TOX2: variants seen among roughly 807,000 people sequenced by gnomAD.
TOX2 encodes TOX high mobility group box family member 2, also known as granulosa cell HMG box 1.
In TOX2, 15 loss-of-function variants were observed where a neutral mutation model predicts 47.4. The ratio of observed to expected loss-of-function variants is 0.32; its 90% CI spans 0.21 to 0.49. The LOEUF is 0.49. Ranked by LOEUF, TOX2 falls within the 20% of genes least tolerant of loss-of-function variation. TOX2 has a pLI of 0.99. For synonymous variants in TOX2, 290 were observed against 296.6 expected, an observed-to-expected ratio of 0.98 and a Z score of 0.23; for missense variants, 622 against 673.1, an observed-to-expected ratio of 0.92 and a Z score of 0.84.
chr20:43,959,893 C>A (rs562919692), intron 1 of TOX2, among the ~76,000 whole-genome samples: 63 of 152,226 alleles, frequency 4.1e-4, no homozygotes, highest in Admixed American at 9.2e-4. Flanking sequence ...CTGGCCAGCT[C>A]CATGTTATGG....
chr20:44,010,753 T>C (rs1178740848), intron 3 of TOX2, among the ~76,000 whole-genome samples: 1 of 152,130 alleles, frequency 6.6e-6, no homozygotes, highest in Non-Finnish European at 1.5e-5. Context: ...CGAGGGATAA[T>C]GATAATAGTA....
chr20:43,919,836 C>T (rs2069094857), intron 1 of TOX2, among the ~76,000 whole-genome samples: 1 of 152,242 alleles, frequency 6.6e-6, no homozygotes, highest in Non-Finnish European at 1.5e-5. Context: ...ATCCATGCCA[C>T]TGCAAAGGAC....
chr20:44,000,207 G>T lies in TOX2; in HGVS notation c.166-6340G>T, dbSNP rs561564913. ...AGAGCTCTAGAGGGTTGTGAGCAGA[G>T]CTTATATTTTAGCAGGATAATTCTG... On this transcript the variant is annotated intron_variant, in intron 2 of 8. Transcript: ENST00000341197. 1.2e-3 allele frequency among the ~76,000 whole-genome samples: 178 copies of T among 152,344 alleles called. 1 individual carries two copies. The Middle Eastern group carries it at 0.017, about 15-fold the overall frequency.
At chr20:44,043,535 C>T (rs900142568) in intron 3 of TOX2, among the ~76,000 whole-genome samples, 4 of 152,190 alleles carry the variant, frequency 2.6e-5, no homozygotes, top group African/African-American at 4.8e-5. Flanking sequence ...ACTATCTTCA[C>T]TGGTTATTGT....
chr20:44,062,782 T>G (rs1489309671), intron 5 of TOX2, among the ~76,000 whole-genome samples: 1 of 152,068 alleles, frequency 6.6e-6, no homozygotes, highest in African/African-American at 2.4e-5. Flanking sequence ...GGTACTGGTA[T>G]AAAAATAGGC....
At chr20:43,945,912 T>C (rs1470752963) in intron 1 of TOX2, 1 of 1,612,738 alleles carries the variant, frequency 6.2e-7, no homozygotes, top group Non-Finnish European at 8.5e-7. Context: ...CTCTGCTGAT[T>C]ATGCAGCAGA....
chr20:44,041,579 A>G (rs960071043), intron 3 of TOX2, among the ~76,000 whole-genome samples: 1 of 152,184 alleles, frequency 6.6e-6, no homozygotes, highest in African/African-American at 2.4e-5. Context: ...TGAGACCCTG[A>G]AGTGCGGTTG....
At chr20:43,980,131 C>T (rs775986513) in intron 2 of TOX2, among the ~76,000 whole-genome samples, 24 of 152,170 alleles carry the variant, frequency 1.6e-4, no homozygotes, top group Non-Finnish European at 3.5e-4. Flanking sequence ...CCTAAGTGTC[C>T]ATCAACAGAT....
At chr20:43,944,252 A>T (rs80046260) in intron 1 of TOX2, among the ~76,000 whole-genome samples, 1 of 152,152 alleles carries the variant, frequency 6.6e-6, no homozygotes, top group Non-Finnish European at 1.5e-5. Context: ...CTGACCATCA[A>T]GAAGCTCAGA....
chr20:43,941,221 T>C (rs79016320), intron 1 of TOX2, among the ~76,000 whole-genome samples: 6,309 of 152,108 alleles, frequency 0.041, 409 homozygotes, highest in African/African-American at 0.14. Context: ...TCACCTGCAC[T>C]GCATTTAAGA....
At chr20:43,947,453 C>T (rs2069492733) in intron 1 of TOX2, among the ~76,000 whole-genome samples, 1 of 152,178 alleles carries the variant, frequency 6.6e-6, no homozygotes, top group Non-Finnish European at 1.5e-5. Flanking sequence ...CCTAGGATGT[C>T]GGCTCAGCTC....
chr20:44,067,871 G>A (rs116591178), intron 8 of TOX2, among the ~76,000 whole-genome samples: 1 of 152,200 alleles, frequency 6.6e-6, no homozygotes, highest in Non-Finnish European at 1.5e-5. Flanking sequence ...CCAAGCAGCT[G>A]TCCCAGCGAT....
intron 3 of TOX2, among the ~76,000 whole-genome samples, chr20:44,028,633 TACAG>T (rs11471274): frequency 0.71 from 107,335 of 151,466 alleles, 38,233 homozygotes; most frequent in East Asian, 0.8. Flanking sequence ...ATTCCAGTGA[TACAG>T]ACAGACAAAG....
At chr20:44,065,233 C>G (rs1223088377) in intron 6 of TOX2, among the ~76,000 whole-genome samples, 1 of 152,194 alleles carries the variant, frequency 6.6e-6, no homozygotes, top group African/African-American at 2.4e-5. Context: ...CTCACCACAC[C>G]GTCGGCCTCC....
At chr20:43,994,367 G>A (rs2070427968) in intron 2 of TOX2, among the ~76,000 whole-genome samples, 1 of 150,524 alleles carries the variant, frequency 6.6e-6, no homozygotes, top group Non-Finnish European at 1.5e-5. Context: ...GCTGAGGTGG[G>A]AGGATAGCTT....
chr20:43,928,127 T>C (rs1001561385), intron 1 of TOX2, among the ~76,000 whole-genome samples: 4 of 151,982 alleles, frequency 2.6e-5, no homozygotes, highest in African/African-American at 9.7e-5. Flanking sequence ...AGGAACAACA[T>C]ATGCAAAGGC....
chr20:44,027,636 T>C (rs2071086645), intron 3 of TOX2, among the ~76,000 whole-genome samples: 1 of 152,232 alleles, frequency 6.6e-6, no homozygotes, highest in African/African-American at 2.4e-5. Context: ...CCCAGAGAGA[T>C]GAAGTGGCTG....
At chr20:43,978,763 T>TTG (rs9305120) in intron 2 of TOX2, among the ~76,000 whole-genome samples, 27,481 of 146,474 alleles carry the variant, frequency 0.19, 2,611 homozygotes, top group South Asian at 0.21. Flanking sequence ...TTGAAAGAAC[T>TTG]TGTGTGTGTG....
At chr20:43,929,362 C>T (rs1275992034) in intron 1 of TOX2, among the ~76,000 whole-genome samples, 1 of 152,154 alleles carries the variant, frequency 6.6e-6, no homozygotes, top group Non-Finnish European at 1.5e-5. Context: ...GTGAGCTTGC[C>T]TCTGCCTGCA....
Sources: allele counts gnomAD v4.1 joint callset (sites outside exome capture counted in the v4.1 genomes callset), GRCh38; gene constraint gnomAD v4.1.1; transcripts MANE v1.5; gene names NCBI Gene and HGNC (gene_info 2026-07-23, HGNC 2026-07-21).